The following CTBP1 variants were observed in gnomAD, a reference collection of about 807,000 sequenced individuals.
CTBP1 encodes C-terminal binding protein 1, also known as C-terminal-binding protein 1.
A neutral mutation model predicts 42.1 loss-of-function variants in CTBP1; 11 were observed. The observed-to-expected ratio is 0.26, with a 90% CI of 0.16 to 0.43. The LOEUF (loss-of-function observed/expected upper bound fraction) is 0.43. Among genes scored for constraint, CTBP1 ranks in the 20% least tolerant of loss-of-function variants. The pLI is 1.00. For missense variants in CTBP1, 399 were observed against 624.3 expected, an observed-to-expected ratio of 0.64 and a Z score of 3.85; for synonymous variants, 324 against 277.1, an observed-to-expected ratio of 1.17 and a Z score of -1.68.
At chr4:1,227,152 T>C (rs912634445) in intron 4 of CTBP1, among the ~76,000 whole-genome samples, 4 of 152,140 alleles carry the variant, frequency 2.6e-5, no homozygotes, top group Non-Finnish European at 4.4e-5. Context: ...CACATGTGCA[T>C]GTTCCATGTG....
At position 1,213,609 on chromosome 4, in the gene CTBP1, G is replaced by C. The variant is rs759785991; in HGVS notation, c.861-4C>G. ...CTTCAGAGGGCCCTGGCTAAAGCTG[G>C]GAACAGCACAGGCATGGTCAGTGCA... On this transcript the variant is annotated splice_region_variant and splice_polypyrimidine_tract_variant and intron_variant, in intron 7 of 9. Coordinates refer to ENST00000382952, the MANE Select transcript of CTBP1 (RefSeq NM_001012614.2). The C allele has an allele frequency of 3.1e-6, 5 of 1,612,664 alleles. No individual in the cohort carries two copies.
At chr4:1,240,678 AG>A (rs1280845381) in intron 2 of CTBP1, among the ~76,000 whole-genome samples, 2 of 151,514 alleles carry the variant, frequency 1.3e-5, no homozygotes, top group Admixed American at 6.6e-5. Context: ...AACGGTGGGG[AG>A]GGGGGAGCAG....
In CTBP1 at chr4:1,214,490, C is replaced by G; in HGVS notation, c.730-17G>C. ...TTGTCTCATCTAGAAGACATAAGGACAGGCCAGGCCCAGTCAGGGATCCGC... is the reference window on the plus strand; with the variant it reads ...TTGTCTCATCTAGAAGACATAAGGAGAGGCCAGGCCCAGTCAGGGATCCGC... On this transcript the variant is annotated splice_polypyrimidine_tract_variant and intron_variant, in intron 6 of 9. Coordinates refer to ENST00000382952, the MANE Select transcript of CTBP1 (RefSeq NM_001012614.2). 1 of 1,559,104 alleles carries G rather than the reference C, an allele frequency of 6.4e-7. No individual in the cohort carries two copies. The highest frequency in any genetic ancestry group is 8.6e-7 in the Non-Finnish European group (1 of 1,159,588).
chr4:1,213,965 C>A, intron 7 of CTBP1: 1 of 401,278 alleles, frequency 2.5e-6, no homozygotes, highest in South Asian at 4.0e-5. Flanking sequence ...TGCGGCTGAA[C>A]ATCCAACCCA....
intron 5 of CTBP1, among the ~76,000 whole-genome samples, chr4:1,219,863 G>A (rs1405463287): frequency 6.6e-6 from 1 of 152,226 alleles, no homozygotes; most frequent in Non-Finnish European, 1.5e-5. Context: ...GGGATATGAG[G>A]TTGGTTTACA....
intron 5 of CTBP1, among the ~76,000 whole-genome samples, chr4:1,222,796 G>C (rs1161651626): frequency 6.6e-6 from 1 of 152,122 alleles, no homozygotes; most frequent in Non-Finnish European, 1.5e-5. Context: ...GTGGCCACGG[G>C]AAGAGCCCGG....
At chr4:1,241,958 G>A in intron 1 of CTBP1, 1 of 1,022,994 alleles carries the variant, frequency 9.8e-7, no homozygotes, top group Non-Finnish European at 1.2e-6. Flanking sequence ...GGGCCTCTGT[G>A]ACCAGGCAAG....
intron 5 of CTBP1, chr4:1,223,577 C>A: frequency 2.2e-6 from 1 of 446,834 alleles, no homozygotes. Flanking sequence ...AAGGCCCTTG[C>A]ATCCCCATGG....
Position 1,221,181 on chromosome 4 carries a change from T to C in CTBP1, c.514+4179A>G, listed in dbSNP as rs540118157. On this transcript the variant is annotated intron_variant, in intron 5 of 9. Transcript: ENST00000382952. ...AAAAGACGGCCGGAGGTGCTCCGAGTGGCCAAGGGCACAAAGAGGTGCTCA... is the reference window on the plus strand; with the variant it reads ...AAAAGACGGCCGGAGGTGCTCCGAGCGGCCAAGGGCACAAAGAGGTGCTCA... Among the ~76,000 whole-genome samples the C allele has an allele frequency of 2.0e-5, 3 of 152,230 alleles. No individual in the cohort carries two copies. The South Asian group carries it at 6.2e-4, about 32-fold the overall frequency.
intron 3 of CTBP1, among the ~76,000 whole-genome samples, chr4:1,231,980 C>T (rs770821464): frequency 2.6e-5 from 4 of 152,272 alleles, no homozygotes; most frequent in Non-Finnish European, 4.4e-5. Context: ...CTGTACCAAA[C>T]GCCACCGCCC....
chr4:1,237,402 C>G, intron 3 of CTBP1: 2 of 688,000 alleles, frequency 2.9e-6, no homozygotes, highest in Non-Finnish European at 5.3e-6. Flanking sequence ...ACCCCGTGTC[C>G]ACCTCCTGAT....
intron 3 of CTBP1, among the ~76,000 whole-genome samples, chr4:1,234,260 CT>C (rs957179236): frequency 3.3e-5 from 5 of 152,228 alleles, no homozygotes; most frequent in African/African-American, 1.2e-4. Context: ...GTCCCTGTGT[CT>C]TTGAGCTTCC....
Position 1,213,799 on chromosome 4 carries a change from G to GA in CTBP1, c.861-195dup, listed in dbSNP as rs1172129338. On this transcript the variant is annotated intron_variant, in intron 7 of 9. Coordinates refer to ENST00000382952, the MANE Select transcript of CTBP1 (RefSeq NM_001012614.2). ...ACCATCAGACACACCAGGGGCTCCT[G>GA]ACAGCGGCGGGTGTGGGAGCCCAAG... 7.2e-5 allele frequency: 47 copies of GA among 649,140 alleles called. No individual in the cohort carries two copies. The South Asian group carries it at 9.1e-4, about 13-fold the overall frequency. 40.2% of individuals were successfully genotyped at this position (649,140 alleles called of 1,614,324 possible). A position where few individuals can be genotyped will look rare whatever the true frequency, so the allele number is the denominator to read the frequency against.
chr4:1,241,716 C>A, intron 1 of CTBP1, 197 bp from the exon 2 acceptor site: 1 of 1,215,384 alleles, frequency 8.2e-7, no homozygotes, highest in Non-Finnish European at 1.0e-6. Flanking sequence ...AGGGCGCTCA[C>A]CCTGAGGTTG....
intron 5 of CTBP1, among the ~76,000 whole-genome samples, chr4:1,219,281 G>GTTGAGC (rs1729482663): frequency 6.6e-6 from 1 of 152,228 alleles, no homozygotes; most frequent in African/African-American, 2.4e-5. Flanking sequence ...GAGCCCCAGT[G>GTTGAGC]CTCAAGGCTG....
rs4045131 is a variant in CTBP1 at position 1,235,009 on chromosome 4, A to G, written c.162+3174T>C. ...AGATCATACAGTGTGCACCCCTTGA[A>G]ACCAGCTTCTTCACTCGCCATCATG... is the stretch of plus-strand genomic sequence containing the variant. On this transcript the variant is annotated intron_variant, in intron 3 of 9. Coordinates refer to ENST00000382952, the MANE Select transcript of CTBP1 (RefSeq NM_001012614.2). The surrounding 1 kb of genome is among the most constrained non-coding windows in gnomAD (Gnocchi z 4.2). 0.33 allele frequency: 49,468 copies of G among 152,166 alleles called. 9,348 individuals are homozygous for G. Among genetic ancestry groups the G allele is most frequent in the Non-Finnish European group, 0.42 (28,693 of 67,996 alleles). The allele number at this position is 152,166 out of a possible 1,614,324, so 9.4% of individuals were successfully genotyped here.
At chr4:1,219,211 T>C (rs576583095) in intron 5 of CTBP1, among the ~76,000 whole-genome samples, 2 of 152,026 alleles carry the variant, frequency 1.3e-5, no homozygotes, top group East Asian at 1.9e-4. Context: ...TTTAAAAAAA[T>C]TGCAGTGGCA....
intron 2 of CTBP1, among the ~76,000 whole-genome samples, chr4:1,240,074 G>A (rs965070287): frequency 6.6e-6 from 1 of 152,260 alleles, no homozygotes; most frequent in African/African-American, 2.4e-5. Context: ...GATGAGGAAG[G>A]CATGGACACA....
rs554458774 is a variant in CTBP1 at position 1,247,840 on chromosome 4, C to G, written c.-189+1076G>C. Among the ~76,000 whole-genome samples the G allele has an allele frequency of 2.0e-5, 3 of 152,310 alleles. 1 individual carries two copies. The South Asian group carries it at 6.2e-4, about 32-fold the overall frequency. On this transcript the variant is annotated intron_variant, in intron 1 of 9. Transcript: ENST00000382952. Reference sequence around the variant, plus strand: ...TCGGCCCTAGCTCCAGGCCCTCTTGCCCCAACTCTCAGGGTTTCACCTCCC... The same window carrying G: ...TCGGCCCTAGCTCCAGGCCCTCTTGGCCCAACTCTCAGGGTTTCACCTCCC...
Sources: gnomAD v4.1 joint callset for allele counts (sites outside exome capture counted in the v4.1 genomes callset) on GRCh38, gnomAD v4.1.1 for gene constraint, Gnocchi (gnomAD v3.1) non-coding constraint, MANE v1.5 for transcripts, NCBI Gene and HGNC (gene_info 2026-07-23, HGNC 2026-07-21) for gene names.